The following GNAL variants were observed in gnomAD, a reference collection of about 807,000 sequenced individuals.
GNAL encodes the protein guanine nucleotide-binding protein G(olf) subunit alpha.
In GNAL, 18 loss-of-function variants were observed where a neutral mutation model predicts 55.1. That is an observed-to-expected ratio of 0.33 (90% CI 0.23 to 0.48). The LOEUF is 0.48. Ranked by LOEUF, GNAL falls within the 20% of genes least tolerant of loss-of-function variation. The pLI, the probability that GNAL is intolerant of heterozygous loss-of-function variation, is 0.99. For missense variants in GNAL, 412 were observed against 614.1 expected (o/e 0.67, Z 3.48); for synonymous variants, 253 against 237.0 (o/e 1.07, Z -0.62).
chr18:11,834,545 CA>C (rs5823176), intron 5 of GNAL, among the ~76,000 whole-genome samples: 11,741 of 143,422 alleles, frequency 0.082, 775 homozygotes, highest in African/African-American at 0.19. Flanking sequence ...CTAGTGTCTA[CA>C]AAAAAAAAAA....
intron 4 of GNAL, among the ~76,000 whole-genome samples, chr18:11,807,395 A>T (rs2034693545): frequency 6.6e-6 from 1 of 152,216 alleles, no homozygotes. Context: ...GGACTAGATG[A>T]TGATGGCTTC....
chr18:11,712,591 A>G (rs1018015458), intron 1 of GNAL, among the ~76,000 whole-genome samples: 1 of 152,230 alleles, frequency 6.6e-6, no homozygotes, highest in Non-Finnish European at 1.5e-5. Context: ...TTAAACTCAA[A>G]TAGAGACCAA....
At chr18:11,714,997 T>A (rs1357148733) in intron 1 of GNAL, among the ~76,000 whole-genome samples, 1 of 151,346 alleles carries the variant, frequency 6.6e-6, no homozygotes, top group Non-Finnish European at 1.5e-5. Context: ...CCAAAAAAAA[T>A]AACCAGGCAT....
rs1368371739 is a variant in GNAL at position 11,799,917 on chromosome 18, T to C, written c.625-25001T>C. On this transcript the variant is annotated intron_variant, in intron 4 of 11. Transcript: ENST00000334049. Reference sequence around the variant, plus strand: ...TCTCCCTCTCTCTCGCCCCTCACTCTTCACTGTCTTTCCCTCCCCCTGTAC... The same window carrying C: ...TCTCCCTCTCTCTCGCCCCTCACTCCTCACTGTCTTTCCCTCCCCCTGTAC... Among the ~76,000 whole-genome samples the C allele has an allele frequency of 2.6e-5, 4 of 152,234 alleles. No individual in the cohort carries two copies. In the East Asian group the frequency reaches 7.7e-4, roughly 29 times the overall value.
rs1460589209 is a variant in GNAL at position 11,771,332 on chromosome 18, AGTTAAT to A, written c.624+17399_624+17404del. 7.9e-5 allele frequency among the ~76,000 whole-genome samples: 12 copies of A among 152,156 alleles called. No homozygotes were observed. The East Asian group carries it at 1.5e-3, about 20-fold the overall frequency. ...ATGTGAATTTTCATAACTTATTGGA[AGTTAAT>A]GTTAATGTTAACATTAACTAATTGG... On this transcript the variant is annotated intron_variant, in intron 4 of 11. Coordinates refer to ENST00000334049, the MANE Select transcript of GNAL (RefSeq NM_182978.4).
chr18:11,759,682 G>A (rs998734241), intron 4 of GNAL, among the ~76,000 whole-genome samples: 2 of 152,242 alleles, frequency 1.3e-5, no homozygotes. Flanking sequence ...ACTGCAGCTT[G>A]GGCCCTGCAT....
Position 11,722,158 on chromosome 18 carries a change from A to T in GNAL, c.377-30695A>T, listed in dbSNP as rs570999527. Among the ~76,000 whole-genome samples the T allele has an allele frequency of 7.0e-4, 107 of 152,342 alleles. 1 individual carries two copies. The highest frequency in any genetic ancestry group is 4.1e-4 in the South Asian group (2 of 4,832). On this transcript the variant is annotated intron_variant, in intron 1 of 11. Transcript: ENST00000334049. ...CTCAACTCTCCAAACAACTGTTCTT[A>T]CCAAAAGACTAACAGTTTATTTTCT...
chr18:11,865,087 C>CCT (rs369940656), intron 7 of GNAL, among the ~76,000 whole-genome samples: 1 of 150,954 alleles, frequency 6.6e-6, no homozygotes, highest in African/African-American at 2.5e-5. Context: ...CCTGCTCCAT[C>CCT]ACTTCCCCCG....
intron 1 of GNAL, among the ~76,000 whole-genome samples, chr18:11,699,931 G>T (rs903771326): frequency 2.6e-5 from 4 of 152,202 alleles, no homozygotes; most frequent in Non-Finnish European, 5.9e-5. Flanking sequence ...TGGGGAGGCT[G>T]TGCCTGTCGG....
intron 8 of GNAL, among the ~76,000 whole-genome samples, chr18:11,867,933 T>G (rs568494346): frequency 2.6e-5 from 4 of 152,062 alleles, no homozygotes; most frequent in African/African-American, 9.6e-5. Flanking sequence ...AAGATCAGCC[T>G]GACCAACATA....
chr18:11,738,707 C>A (rs571205005), intron 1 of GNAL, among the ~76,000 whole-genome samples: 2 of 152,256 alleles, frequency 1.3e-5, no homozygotes, highest in South Asian at 4.1e-4. Context: ...CCTCGGCCTC[C>A]CAGAGTGCTG....
At chr18:11,822,196 C>T (rs1248196219) in intron 4 of GNAL, among the ~76,000 whole-genome samples, 1 of 152,142 alleles carries the variant, frequency 6.6e-6, no homozygotes, top group East Asian at 1.9e-4. Flanking sequence ...TCGGGCGGGG[C>T]GTGGTGGGCG....
At chr18:11,696,767 C>T (rs566366620) in intron 1 of GNAL, among the ~76,000 whole-genome samples, 2 of 152,304 alleles carry the variant, frequency 1.3e-5, no homozygotes, top group Middle Eastern at 6.8e-3. Flanking sequence ...TGTCAACCCT[C>T]TCGTGTTTAT....
chr18:11,716,676 C>A (rs922936966), intron 1 of GNAL, among the ~76,000 whole-genome samples: 88 of 152,304 alleles, frequency 5.8e-4, no homozygotes, highest in African/African-American at 2.0e-3. Context: ...AGTGTCCACA[C>A]GAAGGTTCTC....
At chr18:11,735,772 G>A (rs1387778827) in intron 1 of GNAL, among the ~76,000 whole-genome samples, 2 of 127,336 alleles carry the variant, frequency 1.6e-5, no homozygotes, top group African/African-American at 7.5e-5. Context: ...AAAAAAGAAA[G>A]AGAGAAAGAA....
At chr18:11,813,540 A>G (rs752110194) in intron 4 of GNAL, among the ~76,000 whole-genome samples, 9 of 152,244 alleles carry the variant, frequency 5.9e-5, no homozygotes, top group Non-Finnish European at 1.0e-4. Flanking sequence ...ATTTTATTAG[A>G]ATAGCCGAAA....
At chr18:11,798,301 T>C (rs909434476) in intron 4 of GNAL, among the ~76,000 whole-genome samples, 1 of 152,214 alleles carries the variant, frequency 6.6e-6, no homozygotes, top group African/African-American at 2.4e-5. Context: ...GTAAAACATG[T>C]TCATTATATT....
intron 4 of GNAL, among the ~76,000 whole-genome samples, chr18:11,823,841 T>A (rs1383152509): frequency 2.0e-5 from 3 of 152,184 alleles, no homozygotes; most frequent in Non-Finnish European, 4.4e-5. Flanking sequence ...ACGTAACTTC[T>A]TTTGTGTTTT....
chr18:11,876,448 G>GCC (rs2036534537), intron 10 of GNAL, among the ~76,000 whole-genome samples, 173 bp from the exon 11 acceptor site: 2 of 128,488 alleles, frequency 1.6e-5, no homozygotes, highest in African/African-American at 6.7e-5. Context: ...GGGCAAGAGA[G>GCC]TGAGACTCCG....
Sources: allele counts gnomAD v4.1 joint callset (sites outside exome capture counted in the v4.1 genomes callset), GRCh38; gene constraint gnomAD v4.1.1; transcripts MANE v1.5; gene names NCBI Gene and HGNC (gene_info 2026-07-23, HGNC 2026-07-21).